PRICKLE1: variants seen among roughly 807,000 people sequenced by gnomAD.
PRICKLE1 encodes prickle planar cell polarity protein 1, also known as prickle-like protein 1.
Under a neutral mutation model 70.2 loss-of-function variants are expected in PRICKLE1, and 14 were observed. The observed-to-expected ratio is 0.20, with a 90% CI of 0.13 to 0.31. The LOEUF (loss-of-function observed/expected upper bound fraction) is 0.31. Among genes scored for constraint, PRICKLE1 ranks in the 10% least tolerant of loss-of-function variants. PRICKLE1 has a pLI of 1.00. For missense variants in PRICKLE1, 821 were observed against 1,026.2 expected (o/e 0.80, Z 2.73); for synonymous variants, 357 against 379.9 (o/e 0.94, Z 0.70).
chr12:42,523,714 G>A (rs1312433362), intron 1 of PRICKLE1, among the ~76,000 whole-genome samples: 3 of 152,178 alleles, frequency 2.0e-5, no homozygotes, highest in Non-Finnish European at 2.9e-5. Context: ...AACACAGTCA[G>A]AACAGGTGAT....
chr12:42,573,175 T>C (rs554327711), intron 1 of PRICKLE1, among the ~76,000 whole-genome samples: 26 of 152,342 alleles, frequency 1.7e-4, no homozygotes, highest in African/African-American at 5.8e-4. Context: ...TGTGGAGTAG[T>C]TGACTTGAGA....
At chr12:42,475,924 A>C (rs1938507198) in intron 1 of PRICKLE1, among the ~76,000 whole-genome samples, 1 of 151,014 alleles carries the variant, frequency 6.6e-6, no homozygotes, top group African/African-American at 2.4e-5. Flanking sequence ...ACCTAGTGAA[A>C]CCCCAAATCT....
chr12:42,547,417 G>A (rs1940233703), intron 1 of PRICKLE1, among the ~76,000 whole-genome samples: 1 of 152,180 alleles, frequency 6.6e-6, no homozygotes, highest in Admixed American at 6.5e-5. Context: ...TATAACAGAT[G>A]TACAAAGGCC....
chr12:42,499,988 T>C (rs560016396), intron 1 of PRICKLE1, among the ~76,000 whole-genome samples: 153 of 152,120 alleles, frequency 1.0e-3, no homozygotes, highest in Non-Finnish European at 9.0e-4. Context: ...TGACCTCAAG[T>C]GATCCACCTG....
chr12:42,482,228 A>T lies in PRICKLE1; in HGVS notation c.-48-9664T>A, dbSNP rs139519326. Among the ~76,000 whole-genome samples the T allele has an allele frequency of 1.4e-4, 21 of 152,378 alleles. No homozygotes were observed. The East Asian group carries it at 3.9e-3, about 28-fold the overall frequency. ...TCAAAGCATTCTAATTTCATGCACA[A>T]GTACATTCCATGACAGTAAGAAACA... is the stretch of plus-strand genomic sequence containing the variant. On this transcript the variant is annotated intron_variant, in intron 1 of 7. Coordinates refer to ENST00000345127, the MANE Select transcript of PRICKLE1 (RefSeq NM_153026.3).
intron 1 of PRICKLE1, among the ~76,000 whole-genome samples, chr12:42,524,603 G>A (rs1478058969): frequency 6.6e-6 from 1 of 151,820 alleles, no homozygotes; most frequent in Non-Finnish European, 1.5e-5. Context: ...GTAGAGATGG[G>A]GGTTCACCAT....
At chr12:42,489,774 A>G (rs1939061904) in intron 1 of PRICKLE1, 1 of 152,098 alleles carries the variant, frequency 6.6e-6, no homozygotes, top group East Asian at 1.9e-4. Context: ...ACAAGCTTCA[A>G]GAGTGGACTC....
rs140310989 is a variant in PRICKLE1, at chr12:42,543,840, A to G, written c.-49+45625T>C. On this transcript the variant is annotated intron_variant, in intron 1 of 7. Coordinates refer to ENST00000345127, the MANE Select transcript of PRICKLE1 (RefSeq NM_153026.3). ...CCGGCCAACTCCTCAAAATTTAAAT[A>G]ATAATAGCCTGCTGTTGACCAGAAG... is the stretch of plus-strand genomic sequence containing the variant. 1.1e-3 allele frequency among the ~76,000 whole-genome samples: 175 copies of G among 152,274 alleles called. 2 individuals carry two copies. The South Asian group carries it at 0.021, about 18-fold the overall frequency.
intron 5 of PRICKLE1, among the ~76,000 whole-genome samples, 157 bp downstream of exon 5, chr12:42,468,469 T>C (rs1938187177): frequency 6.6e-6 from 1 of 152,228 alleles, no homozygotes; most frequent in Admixed American, 6.5e-5. Context: ...CAACCAAATA[T>C]AGATCATTTC....
At chr12:42,566,769 T>C (rs995936616) in intron 1 of PRICKLE1, among the ~76,000 whole-genome samples, 14 of 152,204 alleles carry the variant, frequency 9.2e-5, no homozygotes, top group African/African-American at 3.4e-4. Context: ...GATAAAGAAG[T>C]GGACAGTGAC....
At chr12:42,584,206 T>C (rs1367796762) in intron 1 of PRICKLE1, among the ~76,000 whole-genome samples, 1 of 152,136 alleles carries the variant, frequency 6.6e-6, no homozygotes, top group Non-Finnish European at 1.5e-5. Flanking sequence ...TAATGTTCTT[T>C]TATAACACCT....
At chr12:42,520,864 G>T (rs984602371) in intron 1 of PRICKLE1, among the ~76,000 whole-genome samples, 1 of 152,020 alleles carries the variant, frequency 6.6e-6, no homozygotes, top group Admixed American at 6.6e-5. Context: ...TTGACAGAGG[G>T]ATAAATATGT....
At chr12:42,542,070 G>A (rs9739360) in intron 1 of PRICKLE1, among the ~76,000 whole-genome samples, 2 of 152,150 alleles carry the variant, frequency 1.3e-5, no homozygotes, top group African/African-American at 4.8e-5. Flanking sequence ...AGCTATGAGA[G>A]GAAGATGGCT....
intron 1 of PRICKLE1, among the ~76,000 whole-genome samples, chr12:42,552,558 G>A: frequency 6.6e-6 from 1 of 152,200 alleles, no homozygotes; most frequent in Non-Finnish European, 1.5e-5. Context: ...CAAAGTCAGA[G>A]AATTAGCAAT....
At chr12:42,533,199 G>T (rs1013380473) in intron 1 of PRICKLE1, among the ~76,000 whole-genome samples, 1 of 145,162 alleles carries the variant, frequency 6.9e-6, no homozygotes, top group Non-Finnish European at 1.5e-5. Flanking sequence ...TCTGGGGATA[G>T]ATTTTTTTTT....
intron 1 of PRICKLE1, chr12:42,525,144 C>T (rs1026933250): frequency 1.3e-5 from 2 of 152,184 alleles, no homozygotes; most frequent in African/African-American, 4.8e-5. Context: ...TTTAATCAAT[C>T]ATACCTACAT....
intron 1 of PRICKLE1, among the ~76,000 whole-genome samples, chr12:42,493,285 T>C (rs1939136973): frequency 6.6e-6 from 1 of 152,214 alleles, no homozygotes; most frequent in Admixed American, 6.5e-5. Flanking sequence ...CTCCATGATA[T>C]GATTACTATG....
At chr12:42,475,532 C>A (rs1829603214) in intron 1 of PRICKLE1, among the ~76,000 whole-genome samples, 1 of 152,024 alleles carries the variant, frequency 6.6e-6, no homozygotes, top group African/African-American at 2.4e-5. Context: ...CTGATGGAGC[C>A]AATTCCTTTT....
chr12:42,553,967 G>T (rs1463607615), intron 1 of PRICKLE1, among the ~76,000 whole-genome samples: 1 of 152,176 alleles, frequency 6.6e-6, no homozygotes, highest in African/African-American at 2.4e-5. Context: ...AGTGGGGCAT[G>T]GTGGCTGGCG....
Sources: gnomAD v4.1 joint callset for allele counts (sites outside exome capture counted in the v4.1 genomes callset) on GRCh38, gnomAD v4.1.1 for gene constraint, MANE v1.5 for transcripts, NCBI Gene and HGNC (gene_info 2026-07-23, HGNC 2026-07-21) for gene names.